Variants in MACF1 observed in about 807,000 individuals in gnomAD.
The protein encoded by MACF1 is microtubule actin crosslinking factor 1.
In MACF1, 193 loss-of-function variants were observed where a neutral mutation model predicts 854.8. The ratio of observed to expected loss-of-function variants is 0.23; its 90% CI spans 0.20 to 0.25. MACF1 has a LOEUF of 0.25. Ranked by LOEUF, MACF1 falls within the 10% of genes least tolerant of loss-of-function variation. The pLI, the probability that MACF1 is intolerant of heterozygous loss-of-function variation, is 1.00. For missense variants in MACF1, 7,722 were observed against 8,929.1 expected, an observed-to-expected ratio of 0.86 and a Z score of 5.45; for synonymous variants, 3,185 against 3,226.7, an observed-to-expected ratio of 0.99 and a Z score of 0.44.
intron 2 of MACF1, among the ~76,000 whole-genome samples, chr1:39,190,396 T>TTG (rs1331046418): frequency 0.014 from 737 of 51,336 alleles, 5 homozygotes; most frequent in Non-Finnish European, 0.027. Context: ...TGTGTGTTTG[T>TTG]TTTTGTTTTT....
intron 89 of MACF1, 31 bp from the exon 90 acceptor site, chr1:39,458,339 A>G: frequency 6.2e-7 from 1 of 1,606,866 alleles, no homozygotes; most frequent in Non-Finnish European, 8.5e-7. Flanking sequence ...TACAATATTT[A>G]ACTCTTTTTC....
At chr1:39,414,836 A>G (rs1198445195) in intron 58 of MACF1, among the ~76,000 whole-genome samples, 1 of 152,338 alleles carries the variant, frequency 6.6e-6, no homozygotes, top group East Asian at 1.9e-4. Flanking sequence ...CAGTTTATTC[A>G]TTGGTGGTGT....
intron 19 of MACF1, among the ~76,000 whole-genome samples, 193 bp from the exon 20 acceptor site, chr1:39,295,594 A>G (rs1645883266): frequency 2.0e-5 from 3 of 152,220 alleles, no homozygotes; most frequent in Non-Finnish European, 4.4e-5. Flanking sequence ...AACCCCCTCT[A>G]ACAAAACCAT....
At chr1:39,370,477 A>G (rs946733062) in intron 51 of MACF1, among the ~76,000 whole-genome samples, 3 of 152,220 alleles carry the variant, frequency 2.0e-5, no homozygotes, top group African/African-American at 7.2e-5. Context: ...CAGCTAGTAA[A>G]GGAAAAGCTA....
At position 39,170,550 on chromosome 1, in the gene MACF1, CTAAG is replaced by C. The variant is rs538232664; in HGVS notation, c.221-60630_221-60627del. Among the ~76,000 whole-genome samples, 306 of 152,196 alleles carry C rather than the reference CTAAG, an allele frequency of 2.0e-3. 2 individuals are homozygous for C. The highest frequency in any genetic ancestry group is 7.1e-3 in the African/African-American group (296 of 41,496). On this transcript the variant is annotated intron_variant, in intron 2 of 93. Transcript: ENST00000361689. ...GAATTTGTGGAAGCCAGGCAGGACT[CTAAG>C]TGAGGACAAATGACAAGAAGAGGGA... is the stretch of plus-strand genomic sequence containing the variant.
intron 6 of MACF1, among the ~76,000 whole-genome samples, chr1:39,276,957 G>C (rs1645448966): frequency 1.3e-5 from 2 of 152,062 alleles, no homozygotes; most frequent in East Asian, 1.9e-4. Flanking sequence ...TGACATAATT[G>C]ATTAAACAAA....
At chr1:39,164,504 C>T (rs1405019907) in intron 2 of MACF1, among the ~76,000 whole-genome samples, 1 of 152,196 alleles carries the variant, frequency 6.6e-6, no homozygotes, top group Non-Finnish European at 1.5e-5. Flanking sequence ...TAGTCAGCAG[C>T]TCCCATCATG....
At chr1:39,148,449 A>G (rs1643510387) in intron 2 of MACF1, among the ~76,000 whole-genome samples, 1 of 152,190 alleles carries the variant, frequency 6.6e-6, no homozygotes, top group Non-Finnish European at 1.5e-5. Flanking sequence ...AAAAATATAA[A>G]ATTAAAGTGA....
chr1:39,292,264 A>C (rs1433061509), intron 16 of MACF1, among the ~76,000 whole-genome samples: 2 of 152,250 alleles, frequency 1.3e-5, no homozygotes, highest in East Asian at 3.8e-4. Context: ...TACTAAAATG[A>C]AAAGTGATAC....
intron 1 of MACF1, among the ~76,000 whole-genome samples, chr1:39,222,369 C>G (rs1644663718): frequency 6.6e-6 from 1 of 152,200 alleles, no homozygotes; most frequent in Non-Finnish European, 1.5e-5. Context: ...AAGTGATCCA[C>G]ACACCTTAAC....
intron 2 of MACF1, among the ~76,000 whole-genome samples, chr1:39,177,752 CT>C (rs1313312296): frequency 1.3e-5 from 2 of 152,112 alleles, no homozygotes; most frequent in African/African-American, 4.8e-5. Context: ...GCACTATTTC[CT>C]TTGCCATCTA....
chr1:39,241,088 A>C (rs1353433421), intron 2 of MACF1, among the ~76,000 whole-genome samples: 1 of 151,120 alleles, frequency 6.6e-6, no homozygotes, highest in African/African-American at 2.4e-5. Context: ...TTTTCCTTGA[A>C]GACAAATTTG....
intron 2 of MACF1, among the ~76,000 whole-genome samples, chr1:39,136,991 T>C (rs750465607): frequency 2.7e-4 from 41 of 152,230 alleles, no homozygotes; most frequent in Non-Finnish European, 7.3e-5. Flanking sequence ...ATATAAAATA[T>C]TTGACATGAC....
intron 58 of MACF1, among the ~76,000 whole-genome samples, chr1:39,405,471 A>C (rs1483333830): frequency 6.6e-6 from 1 of 152,224 alleles, no homozygotes; most frequent in East Asian, 1.9e-4. Flanking sequence ...GGAAGTGTGA[A>C]TCTGGGGTCT....
At chr1:39,287,871 T>G in intron 15 of MACF1, among the ~76,000 whole-genome samples, 1 of 152,120 alleles carries the variant, frequency 6.6e-6, no homozygotes, top group East Asian at 1.9e-4. Context: ...CTTGCATGGA[T>G]GAGGTTGGCA....
At chr1:39,289,890 G>A (rs184495799) in intron 15 of MACF1, among the ~76,000 whole-genome samples, 98 of 151,552 alleles carry the variant, frequency 6.5e-4, no homozygotes, top group African/African-American at 2.2e-3. Context: ...TAGTAGAGAT[G>A]GGGTTCACCA....
intron 100 of MACF1, 135 bp downstream of exon 100, chr1:39,484,865 A>C (rs1557679068): frequency 1.0e-6 from 1 of 965,734 alleles, no homozygotes; most frequent in Admixed American, 2.0e-5. Flanking sequence ...ACAGACCTGC[A>C]GATGCTCAAG....
chr1:39,244,764 A>G (rs978331963), intron 2 of MACF1, among the ~76,000 whole-genome samples: 3 of 151,998 alleles, frequency 2.0e-5, no homozygotes, highest in East Asian at 1.9e-4. Context: ...TTTTTAGTAG[A>G]TAAAAGGTTT....
chr1:39,479,505 C>T (rs783830), intron 97 of MACF1, among the ~76,000 whole-genome samples: 2,549 of 152,314 alleles, frequency 0.017, 59 homozygotes, highest in African/African-American at 0.058. Context: ...TTACCTCAAG[C>T]AGTCAGTGTG....
Sources: allele counts gnomAD v4.1 joint callset (sites outside exome capture counted in the v4.1 genomes callset), GRCh38; gene constraint gnomAD v4.1.1; transcripts MANE v1.5; gene names NCBI Gene and HGNC (gene_info 2026-07-23, HGNC 2026-07-21).